Variants in ATP9B observed in about 807,000 individuals in gnomAD.
ATP9B encodes probable phospholipid-transporting ATPase IIB.
ATP9B carries 110 observed loss-of-function variants against 146.1 expected under a neutral mutation model. The ratio of observed to expected loss-of-function variants is 0.75; its 90% CI spans 0.65 to 0.88. The LOEUF is 0.88. Ranked by LOEUF, ATP9B falls within the 40% of genes least tolerant of loss-of-function variation. The pLI is 0.00. For missense variants in ATP9B, 1,499 were observed against 1,496.4 expected (o/e 1.00, Z -0.03); for synonymous variants, 604 against 569.7 (o/e 1.06, Z -0.86).
intron 15 of ATP9B, among the ~76,000 whole-genome samples, chr18:79,314,241 A>AC (rs1292237162): frequency 6.6e-6 from 1 of 151,892 alleles, no homozygotes; most frequent in African/African-American, 2.4e-5. Flanking sequence ...TCCTCTTAAA[A>AC]CCCTGTTTGT....
At chr18:79,168,989 G>A (rs7240419) in intron 7 of ATP9B, among the ~76,000 whole-genome samples, 37,916 of 151,856 alleles carry the variant, frequency 0.25, 5,058 homozygotes, top group East Asian at 0.5. Context: ...GGCCTTTGAG[G>A]TTCGTGACAG....
intron 19 of ATP9B, among the ~76,000 whole-genome samples, chr18:79,340,730 TA>T (rs1475344503): frequency 6.6e-6 from 1 of 152,244 alleles, no homozygotes; most frequent in Non-Finnish European, 1.5e-5. Context: ...TATATACACA[TA>T]AGATGTGCAT....
At chr18:79,119,704 C>T (rs866220473) in intron 4 of ATP9B, among the ~76,000 whole-genome samples, 2 of 152,162 alleles carry the variant, frequency 1.3e-5, no homozygotes, top group Non-Finnish European at 2.9e-5. Flanking sequence ...AATTGATTTA[C>T]TTTTTAAATG....
chr18:79,294,818 G>A (rs962754493), intron 13 of ATP9B, among the ~76,000 whole-genome samples: 1 of 152,168 alleles, frequency 6.6e-6, no homozygotes, highest in Non-Finnish European at 1.5e-5. Flanking sequence ...AGCGCCAAGA[G>A]GAGTGAAGTG....
intron 1 of ATP9B, among the ~76,000 whole-genome samples, chr18:79,075,036 C>G (rs1409889343): frequency 4.6e-5 from 7 of 151,396 alleles, no homozygotes; most frequent in Non-Finnish European, 1.5e-5. Flanking sequence ...GTTAATGGTG[C>G]TGTTGAGTTC....
At chr18:79,233,579 TAC>T (rs1402371114) in intron 11 of ATP9B, among the ~76,000 whole-genome samples, 2 of 152,220 alleles carry the variant, frequency 1.3e-5, no homozygotes, top group African/African-American at 4.8e-5. Flanking sequence ...CACAGTGAAT[TAC>T]CCAGACCCCA....
At chr18:79,218,325 G>C (rs1329886439) in intron 11 of ATP9B, among the ~76,000 whole-genome samples, 2 of 143,096 alleles carry the variant, frequency 1.4e-5, no homozygotes, top group African/African-American at 2.6e-5. Flanking sequence ...TGTTTTCCTT[G>C]TGTTCCAGGT....
intron 25 of ATP9B, among the ~76,000 whole-genome samples, chr18:79,348,724 C>T (rs142329733): frequency 8.6e-4 from 131 of 152,358 alleles, no homozygotes; most frequent in African/African-American, 3.0e-3. Flanking sequence ...GCCTGTAATC[C>T]CAGCACTTTG....
intron 1 of ATP9B, among the ~76,000 whole-genome samples, chr18:79,090,359 A>G (rs923198163): frequency 1.3e-5 from 2 of 152,178 alleles, no homozygotes. Context: ...ACTGTTCTCC[A>G]CAGTGATTGT....
At position 79,256,286 on chromosome 18, in the gene ATP9B, T is replaced by TATATATATATATATAC. The variant is rs398033647; in HGVS notation, c.1268+2746_1268+2747insTATATATATATATACA. On this transcript the variant is annotated intron_variant, in intron 12 of 29. Coordinates refer to ENST00000426216, the MANE Select transcript of ATP9B (RefSeq NM_198531.5). ...ATATATATATATATATATATATATA[T>TATATATATATATATAC]ACATACATAGTGAGGCTATGTTATT... Among the ~76,000 whole-genome samples, 215 of 123,024 alleles carry TATATATATATATATAC rather than the reference T, an allele frequency of 1.7e-3. 10 individuals carry two copies. Among genetic ancestry groups the TATATATATATATATAC allele is most frequent in the African/African-American group, 6.7e-3 (205 of 30,764 alleles). 80.7% of individuals were successfully genotyped at this position (123,024 alleles called of 152,430 possible).
At chr18:79,079,085 A>C (rs1276326563) in intron 1 of ATP9B, among the ~76,000 whole-genome samples, 1 of 152,134 alleles carries the variant, frequency 6.6e-6, no homozygotes, top group Non-Finnish European at 1.5e-5. Flanking sequence ...GGTTGGTTCC[A>C]AGTCTTTGCT....
At chr18:79,089,812 A>G (rs1311036760) in intron 1 of ATP9B, among the ~76,000 whole-genome samples, 1 of 152,172 alleles carries the variant, frequency 6.6e-6, no homozygotes, top group East Asian at 1.9e-4. Context: ...AATACACAAT[A>G]AGTTACTCTT....
At chr18:79,168,721 A>G (rs1221985151) in intron 7 of ATP9B, among the ~76,000 whole-genome samples, 23 of 152,164 alleles carry the variant, frequency 1.5e-4, no homozygotes, top group Admixed American at 1.4e-3. Flanking sequence ...AACTCCATAC[A>G]TTTTTTGAAG....
At chr18:79,120,229 A>C (rs535888179) in intron 4 of ATP9B, among the ~76,000 whole-genome samples, 1 of 152,148 alleles carries the variant, frequency 6.6e-6, no homozygotes, top group South Asian at 2.1e-4. Context: ...AGGTTCTATA[A>C]TGTTCTCAAG....
intron 15 of ATP9B, among the ~76,000 whole-genome samples, chr18:79,328,767 G>A (rs75518619): frequency 5.3e-5 from 8 of 152,160 alleles, no homozygotes; most frequent in Admixed American, 1.3e-4. Flanking sequence ...TGGAACTGGG[G>A]AGGGAGAAAC....
chr18:79,376,694 A>AG (rs2097105201), intron 29 of ATP9B, among the ~76,000 whole-genome samples: 1 of 135,164 alleles, frequency 7.4e-6, no homozygotes, highest in Non-Finnish European at 1.6e-5. Context: ...CCGGCCTACA[A>AG]CCTTTTTTTT....
chr18:79,312,304 T>C (rs1264578188), intron 15 of ATP9B, among the ~76,000 whole-genome samples: 1 of 152,254 alleles, frequency 6.6e-6, no homozygotes, highest in Non-Finnish European at 1.5e-5. Context: ...GTTATATTAC[T>C]GTGTGAAATT....
chr18:79,165,503 G>A (rs1459279125), intron 7 of ATP9B, among the ~76,000 whole-genome samples: 2 of 152,206 alleles, frequency 1.3e-5, no homozygotes, highest in East Asian at 1.9e-4. Flanking sequence ...GTCCCTAGTT[G>A]AAAACCTATG....
At chr18:79,356,188 A>G (rs1048970158) in intron 25 of ATP9B, among the ~76,000 whole-genome samples, 2 of 152,130 alleles carry the variant, frequency 1.3e-5, no homozygotes, top group African/African-American at 4.8e-5. Flanking sequence ...AGACCACAGG[A>G]TGCTCCGCCT....
Sources: allele counts gnomAD v4.1 joint callset (sites outside exome capture counted in the v4.1 genomes callset), GRCh38; gene constraint gnomAD v4.1.1; transcripts MANE v1.5; gene names NCBI Gene and HGNC (gene_info 2026-07-23, HGNC 2026-07-21).